The following AFG1L variants were observed in gnomAD, a reference collection of about 807,000 sequenced individuals.
AFG1L encodes AFG1-like ATPase.
A neutral mutation model predicts 62.2 loss-of-function variants in AFG1L; 53 were observed. The ratio of observed to expected loss-of-function variants is 0.85; its 90% CI spans 0.68 to 1.07. The LOEUF (loss-of-function observed/expected upper bound fraction) is 1.07. Among genes scored for constraint, AFG1L ranks in the 50% least tolerant of loss-of-function variants. AFG1L has a pLI of 0.00. For missense variants in AFG1L, 555 were observed against 590.5 expected, an observed-to-expected ratio of 0.94 and a Z score of 0.62; for synonymous variants, 228 against 210.3, an observed-to-expected ratio of 1.08 and a Z score of -0.73.
chr6:108,454,938 C>G (rs1772195401), intron 8 of AFG1L, among the ~76,000 whole-genome samples: 1 of 152,088 alleles, frequency 6.6e-6, no homozygotes, highest in South Asian at 2.1e-4. Flanking sequence ...CGTGCCTGAC[C>G]CTGAAGTCTG....
chr6:108,456,778 T>C (rs540777669), intron 8 of AFG1L, among the ~76,000 whole-genome samples: 1 of 152,294 alleles, frequency 6.6e-6, no homozygotes, highest in African/African-American at 2.4e-5. Context: ...TGATGGACCA[T>C]AGCATAGATA....
chr6:108,366,268 G>A lies in AFG1L; in HGVS notation c.684G>A (p.Gln228=). 5 of 1,610,762 alleles carry A rather than the reference G, an allele frequency of 3.1e-6. No individual in the cohort carries two copies. The highest frequency in any genetic ancestry group is 4.2e-6 in the Non-Finnish European group (5 of 1,177,642). The part of the protein sequence containing the change: ...TDIADAMILK[Q]LFENLFKNGV... ...TTGCTGATGCCATGATTCTGAAACA[G>A]CTTTTTGAAAATCTGTTCAAAAACG... is the stretch of plus-strand genomic sequence containing the variant. Residue 228 remains glutamine, a synonymous_variant, in exon 6 of 13, where the codon CAG becomes CAA. Coordinates refer to ENST00000368977, the MANE Select transcript of AFG1L (RefSeq NM_145315.5).
intron 1 of AFG1L, among the ~76,000 whole-genome samples, chr6:108,320,370 C>T (rs773391930): frequency 7.2e-4 from 109 of 152,218 alleles, no homozygotes; most frequent in Admixed American, 2.0e-3. Context: ...CTAAAAATTT[C>T]GGGTCAACAG....
intron 1 of AFG1L, among the ~76,000 whole-genome samples, chr6:108,305,805 A>G (rs1777179749): frequency 6.6e-6 from 1 of 152,214 alleles, no homozygotes; most frequent in African/African-American, 2.4e-5. Context: ...CAGGTAAACT[A>G]TCTTCATTTA....
chr6:108,314,644 C>T (rs184867816), intron 1 of AFG1L, among the ~76,000 whole-genome samples: 196 of 152,254 alleles, frequency 1.3e-3, no homozygotes, highest in African/African-American at 4.5e-3. Flanking sequence ...GGCCATCCGC[C>T]CGCCTCGGCC....
At chr6:108,446,306 G>A (rs1238327849) in intron 7 of AFG1L, among the ~76,000 whole-genome samples, 1 of 152,070 alleles carries the variant, frequency 6.6e-6, no homozygotes, top group Non-Finnish European at 1.5e-5. Flanking sequence ...GACTCGGGTT[G>A]AAAGGAGGCA....
chr6:108,334,462 C>T (rs561628468), intron 2 of AFG1L, among the ~76,000 whole-genome samples: 33 of 151,412 alleles, frequency 2.2e-4, no homozygotes, highest in Middle Eastern at 3.4e-3. Context: ...GAAATTGAGG[C>T]GGGTGGATCA....
intron 6 of AFG1L, among the ~76,000 whole-genome samples, chr6:108,386,990 A>G (rs1314646255): frequency 6.6e-6 from 1 of 152,236 alleles, no homozygotes; most frequent in Non-Finnish European, 1.5e-5. Flanking sequence ...AGGAAAACAA[A>G]TAATAAAATC....
rs573532868 is a variant in AFG1L at position 108,447,651 on chromosome 6, T to C, written c.890+355T>C. On this transcript the variant is annotated intron_variant, in intron 8 of 12. Transcript: ENST00000368977. ...CATCTGACAAGTGTGCCATTTCCGT[T>C]CCCCCCAAAATTGTTGTTTTATTTG... Among the ~76,000 whole-genome samples, 133 of 152,222 alleles carry C rather than the reference T, an allele frequency of 8.7e-4. 1 individual carries two copies. The highest frequency in any genetic ancestry group is 1.3e-3 in the Non-Finnish European group (86 of 67,992).
intron 3 of AFG1L, among the ~76,000 whole-genome samples, chr6:108,350,029 C>A (rs1318644509): frequency 1.3e-5 from 2 of 151,918 alleles, no homozygotes; most frequent in Non-Finnish European, 2.9e-5. Flanking sequence ...TCAGACCAGC[C>A]TGGCCAAAAT....
chr6:108,371,997 G>A lies in AFG1L; in HGVS notation c.748+5665G>A, dbSNP rs865920821. ...AGTCTCAGACTCCTGGGCTCAAGTAGTTCTCCCTCCTAGTCCTCCCAAAAG... is the reference window on the plus strand; with the variant it reads ...AGTCTCAGACTCCTGGGCTCAAGTAATTCTCCCTCCTAGTCCTCCCAAAAG... On this transcript the variant is annotated intron_variant, in intron 6 of 12. Transcript: ENST00000368977. Among the ~76,000 whole-genome samples, 53 of 152,012 alleles carry A rather than the reference G, an allele frequency of 3.5e-4. No individual in the cohort carries two copies. The Middle Eastern group carries it at 0.014, about 39-fold the overall frequency.
Position 108,519,788 on chromosome 6 carries a change from T to C in AFG1L, c.1295T>C (p.Met432Thr). ...GAGTTGGAGCAAAGCAGAATACTGA[T>C]GGATGATTTGGGGCTGAGCCAGGTA... ...DSELEQSRIL[M>T]DDLGLSQDSA... Residue 432 changes from methionine (M) to threonine (T), a missense_variant, in exon 12 of 13, where the codon ATG becomes ACG. Transcript: ENST00000368977. 6.2e-7 allele frequency: 1 copy of C among 1,609,790 alleles called. No homozygotes were observed. Among genetic ancestry groups the C allele is most frequent in the East Asian group, 2.2e-5 (1 of 44,858 alleles).
intron 10 of AFG1L, among the ~76,000 whole-genome samples, 167 bp from the exon 11 acceptor site, chr6:108,510,045 G>T (rs999503984): frequency 2.0e-5 from 3 of 152,192 alleles, no homozygotes; most frequent in Non-Finnish European, 4.4e-5. Flanking sequence ...TATCAGAAGT[G>T]CACTGAAGTG....
chr6:108,393,006 G>A (rs1275881514), intron 6 of AFG1L, among the ~76,000 whole-genome samples: 1 of 151,898 alleles, frequency 6.6e-6, no homozygotes, highest in Non-Finnish European at 1.5e-5. Context: ...TTCATCTGTA[G>A]GTATTATAGC....
chr6:108,307,340 ATAC>A (rs1165233096), intron 1 of AFG1L, among the ~76,000 whole-genome samples: 2 of 152,180 alleles, frequency 1.3e-5, no homozygotes, highest in African/African-American at 4.8e-5. Flanking sequence ...AATTATAAAA[ATAC>A]TACATCATGT....
intron 7 of AFG1L, among the ~76,000 whole-genome samples, chr6:108,433,888 C>T (rs1466507824): frequency 5.9e-5 from 9 of 152,236 alleles, no homozygotes; most frequent in Admixed American, 2.0e-4. Context: ...CCACTGTGCC[C>T]GGCCACATAC....
intron 11 of AFG1L, among the ~76,000 whole-genome samples, chr6:108,510,773 G>A (rs1407188341): frequency 6.6e-6 from 1 of 152,156 alleles, no homozygotes; most frequent in Non-Finnish European, 1.5e-5. Context: ...ATAAATGATT[G>A]CACTGATAGA....
At chr6:108,485,658 T>TATA (rs1562190010) in intron 10 of AFG1L, among the ~76,000 whole-genome samples, 79 of 13,068 alleles carry the variant, frequency 6.0e-3, no homozygotes, top group Admixed American at 8.0e-3. Context: ...ATATATATAT[T>TATA]TTTTTTTTTT....
At chr6:108,297,080 C>T (rs969344640) in intron 1 of AFG1L, among the ~76,000 whole-genome samples, 1 of 151,998 alleles carries the variant, frequency 6.6e-6, no homozygotes, top group Non-Finnish European at 1.5e-5. Context: ...TAAGGACGCT[C>T]CCTTCCCCTC....
Sources: allele counts gnomAD v4.1 joint callset (sites outside exome capture counted in the v4.1 genomes callset), GRCh38; gene constraint gnomAD v4.1.1; transcripts MANE v1.5; gene names NCBI Gene and HGNC (gene_info 2026-07-23, HGNC 2026-07-21).